RUFY2: variants seen among roughly 807,000 people sequenced by gnomAD.
The protein encoded by RUFY2 is RUN and FYVE domain-containing protein 2.
In RUFY2, 49 loss-of-function variants were observed where a neutral mutation model predicts 94.4. That is an observed-to-expected ratio of 0.52 (90% CI 0.41 to 0.66). The LOEUF (loss-of-function observed/expected upper bound fraction) is 0.66. RUFY2 is among the 30% of genes least tolerant of loss of function. RUFY2 has a pLI of 0.00. For synonymous variants in RUFY2, 255 were observed against 235.7 expected (o/e 1.08, Z -0.75); for missense variants, 541 against 692.8 (o/e 0.78, Z 2.46).
chr10:68,368,784 A>T (rs902341359), intron 13 of RUFY2, among the ~76,000 whole-genome samples: 1 of 152,202 alleles, frequency 6.6e-6, no homozygotes, highest in African/African-American at 2.4e-5. Context: ...TCTCATATAT[A>T]GCTCATATTG....
At chr10:68,361,046 C>A (rs550712190) in intron 15 of RUFY2, among the ~76,000 whole-genome samples, 2 of 152,022 alleles carry the variant, frequency 1.3e-5, no homozygotes, top group Non-Finnish European at 2.9e-5. Context: ...ACTTTGGAGG[C>A]CAAGGCAGGC....
chr10:68,343,085 A>G (rs1259525339), downstream of RUFY2: 2 of 152,208 alleles, frequency 1.3e-5, no homozygotes, highest in East Asian at 3.8e-4. Context: ...CTTTTTTCCA[A>G]ATTGGCTAAT....
At chr10:68,407,148 T>A in intron 1 of RUFY2, 38 bp downstream of exon 1, 1 of 1,493,692 alleles carries the variant, frequency 6.7e-7, no homozygotes, top group Non-Finnish European at 8.8e-7. Flanking sequence ...AGCCCGGGAC[T>A]GAGGGCCTAG....
chr10:68,349,381 G>A (rs193112430), intron 16 of RUFY2, among the ~76,000 whole-genome samples: 53 of 151,944 alleles, frequency 3.5e-4, no homozygotes, highest in African/African-American at 1.2e-3. Flanking sequence ...TTAGCAGGGT[G>A]TGGTGATGTA....
intron 12 of RUFY2, chr10:68,377,536 G>A: frequency 2.0e-6 from 2 of 985,444 alleles, no homozygotes; most frequent in African/African-American, 1.7e-5. Flanking sequence ...GTGTGCACGT[G>A]TGCATATATG....
intron 13 of RUFY2, among the ~76,000 whole-genome samples, chr10:68,367,063 G>A (rs990942697): frequency 5.9e-5 from 9 of 151,464 alleles, no homozygotes; most frequent in South Asian, 4.2e-4. Flanking sequence ...ATCTACTCGG[G>A]AGGCTGAGGC....
chr10:68,381,455 T>C, intron 10 of RUFY2, 56 bp from the exon 11 acceptor site: 1 of 1,521,502 alleles, frequency 6.6e-7, no homozygotes, highest in Non-Finnish European at 8.9e-7. Context: ...AAAAATTAGA[T>C]ATACTTTAAG....
At chr10:68,346,174 T>A in intron 16 of RUFY2, 90 bp from the exon 17 acceptor site, 1 of 895,990 alleles carries the variant, frequency 1.1e-6, no homozygotes, top group Non-Finnish European at 1.7e-6. Flanking sequence ...TTTATAGGAA[T>A]AGATATATGA....
At chr10:68,383,986 CA>C in intron 9 of RUFY2, 64 bp downstream of exon 9, 1 of 1,574,500 alleles carries the variant, frequency 6.4e-7, no homozygotes, top group Non-Finnish European at 8.7e-7. Context: ...CTACTTCATC[CA>C]AAAATCCCCA....
At chr10:68,371,780 G>T (rs1299412752) in intron 13 of RUFY2, among the ~76,000 whole-genome samples, 2 of 151,816 alleles carry the variant, frequency 1.3e-5, no homozygotes, top group Non-Finnish European at 1.5e-5. Flanking sequence ...CATTTTTTTT[G>T]AAAGCAGTAA....
At chr10:68,406,690 C>T (rs2051341975) in intron 1 of RUFY2, 1 of 1,417,680 alleles carries the variant, frequency 7.1e-7, no homozygotes, top group Non-Finnish European at 9.5e-7. Flanking sequence ...TCTTCCTGCC[C>T]CCTCCCCCCA....
At chr10:68,352,939 A>AT (rs1197993139) in intron 16 of RUFY2, among the ~76,000 whole-genome samples, 1 of 151,774 alleles carries the variant, frequency 6.6e-6, no homozygotes, top group Non-Finnish European at 1.5e-5. Flanking sequence ...AGAGGGGGCA[A>AT]TTATTAACTC....
downstream of RUFY2, chr10:68,342,539 T>C (rs1466644506): frequency 6.6e-6 from 1 of 152,532 alleles, no homozygotes; most frequent in East Asian, 1.9e-4. Flanking sequence ...TTCAGGAGTA[T>C]AAATTCAGCT....
downstream of RUFY2, chr10:68,341,225 G>A (rs376806196): frequency 7.5e-6 from 12 of 1,601,120 alleles, no homozygotes; most frequent in Non-Finnish European, 1.0e-5. Context: ...TGGAGCTGAT[G>A]GCAGAGCCAC....
At chr10:68,341,227 C>G, downstream of RUFY2, 1 of 1,601,182 alleles carries the variant, frequency 6.2e-7, no homozygotes, top group Non-Finnish European at 8.5e-7. Context: ...GAGCTGATGG[C>G]AGAGCCACAG....
intron 13 of RUFY2, among the ~76,000 whole-genome samples, chr10:68,371,198 G>A (rs1378585633): frequency 3.3e-5 from 5 of 151,058 alleles, no homozygotes; most frequent in African/African-American, 1.2e-4. Flanking sequence ...TCGGGAGGCC[G>A]TGTGATGGGT....
chr10:68,353,670 G>A (rs906853829), intron 16 of RUFY2, among the ~76,000 whole-genome samples: 4 of 151,186 alleles, frequency 2.6e-5, no homozygotes, highest in Non-Finnish European at 5.9e-5. Flanking sequence ...AAGGTGGCAC[G>A]CACCTGTGGT....
chr10:68,342,818 C>A (rs1280001575), downstream of RUFY2: 1 of 152,462 alleles, frequency 6.6e-6, no homozygotes. Context: ...CACAAGAATT[C>A]AGTATTAAGT....
At chr10:68,394,811 A>T (rs1428568072) in intron 4 of RUFY2, among the ~76,000 whole-genome samples, 1 of 151,476 alleles carries the variant, frequency 6.6e-6, no homozygotes, top group Non-Finnish European at 1.5e-5. Context: ...TTGTATTTTT[A>T]GTAGAGACGG....
Sources: allele counts gnomAD v4.1 joint callset (sites outside exome capture counted in the v4.1 genomes callset), GRCh38; gene constraint gnomAD v4.1.1; transcripts MANE v1.5; gene names NCBI Gene and HGNC (gene_info 2026-07-23, HGNC 2026-07-21).